Variants in SLC4A4 observed in about 807,000 individuals in gnomAD.
SLC4A4 encodes the protein electrogenic sodium bicarbonate cotransporter 1.
Under a neutral mutation model 111.5 loss-of-function variants are expected in SLC4A4, and 27 were observed. The ratio of observed to expected loss-of-function variants is 0.24; its 90% CI spans 0.18 to 0.33. The LOEUF (loss-of-function observed/expected upper bound fraction) is 0.33, where lower values mean the gene tolerates loss of function less well. Ranked by LOEUF, SLC4A4 falls within the 10% of genes least tolerant of loss-of-function variation. The pLI is 1.00. For missense variants in SLC4A4, 909 were observed against 1,315.5 expected, an observed-to-expected ratio of 0.69 and a Z score of 4.78; for synonymous variants, 443 against 463.4, an observed-to-expected ratio of 0.96 and a Z score of 0.57.
chr4:71,215,109 TAA>T (rs1718344687), intron 1 of SLC4A4, among the ~76,000 whole-genome samples: 1 of 152,220 alleles, frequency 6.6e-6, no homozygotes, highest in African/African-American at 2.4e-5. Context: ...ATCTTCAAAG[TAA>T]TACCCTATGC....
At chr4:71,254,077 T>A (rs1280457515) in intron 2 of SLC4A4, among the ~76,000 whole-genome samples, 2 of 152,170 alleles carry the variant, frequency 1.3e-5, no homozygotes, top group Admixed American at 6.5e-5. Context: ...TATGTACATG[T>A]ATTTGCATGT....
intron 1 of SLC4A4, among the ~76,000 whole-genome samples, chr4:71,198,596 G>A (rs1194247820): frequency 1.2e-5 from 1 of 82,710 alleles, no homozygotes; most frequent in Non-Finnish European, 2.4e-5. Flanking sequence ...TCTGAAAGGA[G>A]ACCTCACCAA....
intron 3 of SLC4A4, among the ~76,000 whole-genome samples, chr4:71,313,612 A>G (rs943049682): frequency 6.6e-6 from 1 of 152,198 alleles, no homozygotes; most frequent in Non-Finnish European, 1.5e-5. Context: ...CTCAGAAATA[A>G]CACCACGTAT....
At chr4:71,174,289 T>A (rs1285917554) in intron 2 of SLC4A4, among the ~76,000 whole-genome samples, 1 of 151,422 alleles carries the variant, frequency 6.6e-6, no homozygotes, top group East Asian at 1.9e-4. Context: ...AGTCTTACTC[T>A]GTTGCCTCTG....
intron 6 of SLC4A4, among the ~76,000 whole-genome samples, chr4:71,382,927 G>T (rs1718293888): frequency 6.6e-6 from 1 of 152,184 alleles, no homozygotes; most frequent in Non-Finnish European, 1.5e-5. Flanking sequence ...ATTCTGATAT[G>T]AATTTCTTTC....
rs751549115 is a variant in SLC4A4 at position 71,567,101 on chromosome 4, AT to A, written c.*36+22del. 1 of 1,591,302 alleles carries A rather than the reference AT, an allele frequency of 6.3e-7. No individual in the cohort carries two copies. Among genetic ancestry groups the A allele is most frequent in the Non-Finnish European group, 8.6e-7 (1 of 1,164,474 alleles). ...ATGCCAAGGTAAAGGAGAGCCCAGTATTTTATGTTTTTCTGTGGGATAATTG... is the reference window on the plus strand; with the variant it reads ...ATGCCAAGGTAAAGGAGAGCCCAGTATTTATGTTTTTCTGTGGGATAATTG... On this transcript the variant is annotated intron_variant, in intron 25 of 25. Transcript: ENST00000264485.
chr4:71,550,868 C>T (rs6827792), intron 20 of SLC4A4, among the ~76,000 whole-genome samples: 34,126 of 151,624 alleles, frequency 0.23, 4,008 homozygotes, highest in East Asian at 0.41. Flanking sequence ...TGCTGAGGTC[C>T]GTCTTTTATG....
intron 2 of SLC4A4, among the ~76,000 whole-genome samples, chr4:71,107,935 A>G (rs914647277): frequency 6.6e-6 from 1 of 152,052 alleles, no homozygotes; most frequent in Non-Finnish European, 1.5e-5. Flanking sequence ...TTCCTTTTGC[A>G]TATACTATAT....
chr4:71,521,243 T>A (rs1419493328), intron 16 of SLC4A4, among the ~76,000 whole-genome samples: 2 of 152,148 alleles, frequency 1.3e-5, no homozygotes, highest in Admixed American at 1.3e-4. Flanking sequence ...CTTTATTTTT[T>A]TTAAATGAGA....
intron 18 of SLC4A4, among the ~76,000 whole-genome samples, chr4:71,534,849 T>G (rs1389401180): frequency 6.6e-6 from 1 of 152,146 alleles, no homozygotes; most frequent in Non-Finnish European, 1.5e-5. Flanking sequence ...CTTCACATAC[T>G]TGTGTCAGTA....
At chr4:71,344,249 C>T (rs185816177) in intron 4 of SLC4A4, among the ~76,000 whole-genome samples, 2 of 152,104 alleles carry the variant, frequency 1.3e-5, no homozygotes, top group African/African-American at 2.4e-5. Context: ...GAAATAGAAC[C>T]TTGATTCTTG....
intron 16 of SLC4A4, among the ~76,000 whole-genome samples, chr4:71,510,527 A>G (rs570325502): frequency 6.6e-6 from 1 of 151,930 alleles, no homozygotes; most frequent in South Asian, 2.1e-4. Flanking sequence ...TTTACTTACA[A>G]TTTATTTTAT....
intron 1 of SLC4A4, among the ~76,000 whole-genome samples, chr4:71,223,160 T>C (rs1450040972): frequency 2.0e-5 from 3 of 152,126 alleles, no homozygotes; most frequent in African/African-American, 7.2e-5. Context: ...ATTTTTGTTT[T>C]TGTTTTGCAC....
intron 1 of SLC4A4, among the ~76,000 whole-genome samples, chr4:71,082,633 T>C (rs747171244): frequency 6.6e-5 from 10 of 152,078 alleles, no homozygotes; most frequent in Non-Finnish European, 1.5e-4. Flanking sequence ...TAGAGATTAA[T>C]ATAACAATAC....
chr4:71,563,809 C>T lies in SLC4A4; in HGVS notation c.3116C>T (p.Ser1039Leu), dbSNP rs1737207540. 4 of 1,608,310 alleles carry T rather than the reference C, an allele frequency of 2.5e-6. No homozygotes were observed. Among genetic ancestry groups the T allele is most frequent in the Non-Finnish European group, 3.4e-6 (4 of 1,175,554 alleles). ...SDNDDSDCPYSEKVPSIKIPM... is the reference protein window; with the variant it reads ...SDNDDSDCPYLEKVPSIKIPM... Reference sequence around the variant, plus strand: ...TTTTCACAGTCTGACTGCCCATACTCAGAAAAAGTTCCAAGTATTAAAATT... The same window carrying T: ...TTTTCACAGTCTGACTGCCCATACTTAGAAAAAGTTCCAAGTATTAAAATT... Residue 1039 changes from serine (S) to leucine (L), a missense_variant, in exon 24 of 26, where the codon TCA (serine) becomes TTA (leucine). By Grantham distance (145) the Ser-to-Leu change is moderately radical. Coordinates refer to ENST00000264485, the MANE Select transcript of SLC4A4 (RefSeq NM_001098484.3).
intron 2 of SLC4A4, among the ~76,000 whole-genome samples, chr4:71,126,095 A>G (rs1191690511): frequency 1.3e-5 from 2 of 152,150 alleles, no homozygotes; most frequent in Admixed American, 6.5e-5. Context: ...TTTGTTTTTT[A>G]TAGCTGAAAA....
intron 20 of SLC4A4, among the ~76,000 whole-genome samples, chr4:71,548,313 AT>A (rs1293974582): frequency 6.6e-6 from 1 of 151,956 alleles, no homozygotes; most frequent in Non-Finnish European, 1.5e-5. Context: ...AAGAAGAAAA[AT>A]TATATGATAT....
intron 1 of SLC4A4, among the ~76,000 whole-genome samples, chr4:71,214,804 G>A (rs1449017922): frequency 1.3e-5 from 2 of 152,196 alleles, no homozygotes; most frequent in Non-Finnish European, 2.9e-5. Context: ...GCCTGGCCCT[G>A]CCTGGCAGCT....
chr4:71,454,822 T>C (rs752650022), intron 12 of SLC4A4, among the ~76,000 whole-genome samples: 6 of 152,188 alleles, frequency 3.9e-5, no homozygotes. Context: ...CTCTCTTTCA[T>C]GGCTGGATGG....
Sources: gnomAD v4.1 joint callset for allele counts (sites outside exome capture counted in the v4.1 genomes callset) on GRCh38, gnomAD v4.1.1 for gene constraint, MANE v1.5 for transcripts, NCBI Gene and HGNC (gene_info 2026-07-23, HGNC 2026-07-21) for gene names.